ALS2CL: variants seen among roughly 807,000 people sequenced by gnomAD.
ALS2CL encodes ALS2 C-terminal-like protein.
In ALS2CL, 112 loss-of-function variants were observed where a neutral mutation model predicts 127.9. The ratio of observed to expected loss-of-function variants is 0.88; its 90% CI spans 0.75 to 1.02. ALS2CL has a LOEUF of 1.02. Among genes scored for constraint, ALS2CL ranks in the 50% least tolerant of loss-of-function variants. The pLI is 0.00. For synonymous variants in ALS2CL, 519 were observed against 527.6 expected, an observed-to-expected ratio of 0.98 and a Z score of 0.22; for missense variants, 1,174 against 1,236.7, an observed-to-expected ratio of 0.95 and a Z score of 0.76.
intron 20 of ALS2CL, 89 bp from the exon 21 acceptor site, chr3:46,674,828 A>G (rs1698683171): frequency 2.3e-6 from 3 of 1,318,658 alleles, no homozygotes; most frequent in African/African-American, 1.5e-5. Context: ...TCCTAGTTCC[A>G]CAACAAACAG....
rs1699804708 is a variant in ALS2CL at position 46,686,566 on chromosome 3, C to T, written c.535-127G>A. Reference sequence around the variant, plus strand: ...CTTGCCCTTCTCTCCCTGACAGCTCCTCTTCTGCTGGTGGGGCAGGGGGTG... The same window carrying T: ...CTTGCCCTTCTCTCCCTGACAGCTCTTCTTCTGCTGGTGGGGCAGGGGGTG... On this transcript the variant is annotated intron_variant, in intron 5 of 25. Coordinates refer to ENST00000318962, the MANE Select transcript of ALS2CL (RefSeq NM_147129.5). This position sits in a 1 kb window ranked among gnomAD's most constrained non-coding sequence, Gnocchi z 4.3. 24 of 1,313,602 alleles carry T rather than the reference C, an allele frequency of 1.8e-5. No homozygotes were observed. The South Asian group carries it at 3.4e-4, about 19-fold the overall frequency. 81.4% of individuals were successfully genotyped at this position (1,313,602 alleles called of 1,614,324 possible). A position where few individuals can be genotyped will look rare whatever the true frequency, so the allele number is the denominator to read the frequency against.
chr3:46,673,288 C>T (rs1430469222), intron 22 of ALS2CL, 51 bp downstream of exon 22: 2 of 1,527,280 alleles, frequency 1.3e-6, no homozygotes, highest in Admixed American at 2.0e-5. Context: ...CTCCTCAAAG[C>T]CTGCAGGACC....
chr3:46,677,127 A>C, intron 16 of ALS2CL, 105 bp from the exon 17 acceptor site: 3 of 1,490,590 alleles, frequency 2.0e-6, no homozygotes, highest in Non-Finnish European at 2.7e-6. Context: ...AGCCTGGCCC[A>C]GGATCAAGCC....
chr3:46,687,120 G>T lies in ALS2CL; in HGVS notation c.397C>A (p.Leu133Met). 6.5e-7 allele frequency: 1 copy of T among 1,546,052 alleles called. No individual in the cohort carries two copies. ...SEYWRGQRKA[L>M]RQLLSGVSSE... ...CTCACACCTGAAAGCAGCTGCCGCA[G>T]CGCCTTCCGCTGGCCCCGCCAGTAC... The change falls in exon 5 of 26, where the codon CTG becomes ATG. Residue 133 changes from leucine to methionine, a missense_variant. Leu to Met is a conservative substitution (Grantham distance 15). Coordinates refer to ENST00000318962, the MANE Select transcript of ALS2CL (RefSeq NM_147129.5).
rs766240014 is a variant in ALS2CL, at chr3:46,680,535, C to G, written c.1443G>C (p.Glu481Asp). 4 of 1,612,004 alleles carry G rather than the reference C, an allele frequency of 2.5e-6. No homozygotes were observed. The Admixed American group carries it at 6.7e-5, about 27-fold the overall frequency. ...CAGCCTGCCACATGCCAATGTAGCG[C>G]TCACCTCTGGAAGGAGAGGAATGTG... ...YGIEEDGDRG[E>D]RYIGMWQAGQ... The change falls in exon 14 of 26, where the codon GAG becomes GAC. Residue 481 changes from glutamate (E) to aspartate (D), a missense_variant. Transcript: ENST00000318962.
At chr3:46,684,529 G>GA (rs1300192062) in intron 7 of ALS2CL, among the ~76,000 whole-genome samples, 1 of 152,274 alleles carries the variant, frequency 6.6e-6, no homozygotes, top group East Asian at 1.9e-4. Context: ...CTGACAGCCA[G>GA]AAAAAAAGCC....
chr3:46,687,156 T>C lies in ALS2CL; in HGVS notation c.369-8A>G. On this transcript the variant is annotated splice_region_variant and splice_polypyrimidine_tract_variant and intron_variant, in intron 4 of 25. Coordinates refer to ENST00000318962, the MANE Select transcript of ALS2CL (RefSeq NM_147129.5). ...TGGCCCCGCCAGTACTCGCTGCGTG[T>C]AGAGAGGGCCACGCACCACCTTCAC... 3.9e-6 allele frequency: 6 copies of C among 1,554,796 alleles called. No individual in the cohort carries two copies. Among genetic ancestry groups the C allele is most frequent in the Non-Finnish European group, 5.2e-6 (6 of 1,156,760 alleles).
In ALS2CL at chr3:46,679,278, T is replaced by C; in HGVS notation, c.1558A>G (p.Ile520Val). 1.9e-6 allele frequency: 3 copies of C among 1,587,588 alleles called. No individual in the cohort carries two copies. The highest frequency in any genetic ancestry group is 2.6e-6 in the Non-Finnish European group (3 of 1,166,530). Residue 520 changes from isoleucine to valine, a missense_variant, in exon 15 of 26, where the codon ATC becomes GTC. Coordinates refer to ENST00000318962, the MANE Select transcript of ALS2CL (RefSeq NM_147129.5). ...FQADKTVGPG[I>V]LLSEDDSLYE... ...AGGGAGTCGTCTTCAGAGAGGAGGA[T>C]GCCCGGGCCCTTGGGGAGAGGAAGC...
chr3:46,687,633 T>C lies in ALS2CL; in HGVS notation c.354A>G (p.Ala118=), dbSNP rs536939991. ...SCMVVQAFQK[A]AKRRSEYWRG... is the part of the protein sequence containing the mutation. ...CCTGTGCTCACCTTCTCCTCTTTGC[T>C]GCCTTCTGGAAGGCCTGCACCACCA... is the stretch of plus-strand genomic sequence containing the variant. The change falls in exon 4 of 26, where the codon GCA becomes GCG. Residue 118 remains alanine, a synonymous_variant. Coordinates refer to ENST00000318962, the MANE Select transcript of ALS2CL (RefSeq NM_147129.5). 1.8e-5 allele frequency: 29 copies of C among 1,613,320 alleles called. 1 individual carries two copies. In the South Asian group the frequency reaches 2.9e-4, roughly 16 times the overall value.
In ALS2CL at chr3:46,674,745, G is replaced by GGGGA; in HGVS notation, c.2256-10_2256-7dup. The GGGGA allele has an allele frequency of 1.2e-6, 2 of 1,602,484 alleles. No homozygotes were observed. The highest frequency in any genetic ancestry group is 1.7e-5 in the Admixed American group (1 of 58,236). On this transcript the variant is annotated splice_polypyrimidine_tract_variant and splice_region_variant and intron_variant, in intron 20 of 25. Coordinates refer to ENST00000318962, the MANE Select transcript of ALS2CL (RefSeq NM_147129.5). ...ATCCATGCACCTGGAGGTCCCTGATGGGGAGACCGGAACAGGTTGGGATGA... is the reference window on the plus strand; with the variant it reads ...ATCCATGCACCTGGAGGTCCCTGATGGGGAGGGAGACCGGAACAGGTTGGGATGA...
Position 46,682,017 on chromosome 3 carries a change from A to G in ALS2CL, c.1175+12T>C. On this transcript the variant is annotated intron_variant, in intron 11 of 25. Transcript: ENST00000318962. Reference sequence around the variant, plus strand: ...CTGCACGCCTCCCAGCAGTAGCCCCAGCCAGCCTTACCCATGCTCCAGGCC... The same window carrying G: ...CTGCACGCCTCCCAGCAGTAGCCCCGGCCAGCCTTACCCATGCTCCAGGCC... 2 of 1,613,726 alleles carry G rather than the reference A, an allele frequency of 1.2e-6. No individual in the cohort carries two copies. Among genetic ancestry groups the G allele is most frequent in the Non-Finnish European group, 1.7e-6 (2 of 1,179,858 alleles).
intron 20 of ALS2CL, 64 bp from the exon 21 acceptor site, chr3:46,674,803 C>A (rs1045778408): frequency 6.9e-7 from 1 of 1,446,484 alleles, no homozygotes; most frequent in East Asian, 2.4e-5. Flanking sequence ...TACTTGGAGT[C>A]TCGTCTCAAA....
rs2106718857 is a variant in ALS2CL at position 46,681,068 on chromosome 3, G to A, written c.1436+178C>T. The A allele has an allele frequency of 2.0e-6, 2 of 1,024,134 alleles. No individual in the cohort carries two copies. Among genetic ancestry groups the A allele is most frequent in the Non-Finnish European group, 3.0e-6 (2 of 666,556 alleles). 63.4% of individuals were successfully genotyped at this position (1,024,134 alleles called of 1,614,324 possible). On this transcript the variant is annotated intron_variant, in intron 13 of 25. Transcript: ENST00000318962. This position sits in a 1 kb window ranked among gnomAD's most constrained non-coding sequence, Gnocchi z 4.9. Reference sequence around the variant, plus strand: ...AGGGGCGGGGGCGACCCTGCAGTCAGCGTGACCAAGATTCGCTCAGCCTGA... The same window carrying A: ...AGGGGCGGGGGCGACCCTGCAGTCAACGTGACCAAGATTCGCTCAGCCTGA...
rs1162019418 is a variant in ALS2CL at position 46,683,837 on chromosome 3, T to C, written c.857A>G (p.His286Arg). The C allele has an allele frequency of 1.9e-6, 3 of 1,613,772 alleles. No homozygotes were observed. Among genetic ancestry groups the C allele is most frequent in the Non-Finnish European group, 2.5e-6 (3 of 1,179,962 alleles). ...GAACTCTTCTTCGGGCGTGAGGAGG[T>C]GAAACGTGCACCTAGACAGACGGAG... Reference protein sequence around the residue: ...VDPGQDGCTFHLLTPEEEFSF... With the variant: ...VDPGQDGCTFRLLTPEEEFSF... Residue 286 changes from histidine (H) to arginine (R), a missense_variant, in exon 9 of 26, where the codon CAC becomes CGC. By Grantham distance (29) the His-to-Arg change is conservative. Transcript: ENST00000318962.
In ALS2CL at chr3:46,686,253, C is replaced by T; in HGVS notation, c.666+55G>A. ...GCAAGCAGCTCAAGCCCCCCAACATCTCCATGCCCAATGTGGAACCCCCTC... is the reference window on the plus strand; with the variant it reads ...GCAAGCAGCTCAAGCCCCCCAACATTTCCATGCCCAATGTGGAACCCCCTC... On this transcript the variant is annotated intron_variant, in intron 6 of 25. Coordinates refer to ENST00000318962, the MANE Select transcript of ALS2CL (RefSeq NM_147129.5). This position sits in a 1 kb window ranked among gnomAD's most constrained non-coding sequence, Gnocchi z 4.3. 6.5e-7 allele frequency: 1 copy of T among 1,549,316 alleles called. No homozygotes were observed. Among genetic ancestry groups the T allele is most frequent in the Non-Finnish European group, 8.7e-7 (1 of 1,148,320 alleles).
At chr3:46,677,402 T>C (rs952207549) in intron 16 of ALS2CL, 4 of 1,058,326 alleles carry the variant, frequency 3.8e-6, no homozygotes, top group Non-Finnish European at 4.6e-6. Flanking sequence ...TACAGCTGGT[T>C]CCTTCCTGTG....
At position 46,687,042 on chromosome 3, in the gene ALS2CL, C is replaced by A. The variant is rs763639281; in HGVS notation, c.475G>T (p.Ala159Ser). The change falls in exon 5 of 26, where the codon GCC becomes TCC. Residue 159 changes from alanine (A) to serine (S), a missense_variant. Transcript: ENST00000318962. ...AGCACGTACTGTTGCACGTGATGGGCGAGTGGCTGGTGGAGGGCCTGGCCC... is the reference window on the plus strand; with the variant it reads ...AGCACGTACTGTTGCACGTGATGGGAGAGTGGCTGGTGGAGGGCCTGGCCC... ...SLGQALHQPL[A>S]HHVQQYVLLL... is the part of the protein sequence containing the mutation. 6.2e-7 allele frequency: 1 copy of A among 1,605,028 alleles called. No homozygotes were observed. The highest frequency in any genetic ancestry group is 8.5e-7 in the Non-Finnish European group (1 of 1,179,226).
In ALS2CL at chr3:46,688,178, C is replaced by G. The variant is rs745441766; in HGVS notation, c.222G>C (p.Arg74Ser). ...TEESLHSLQE[R>S]LRYPDSTGLE... ...GACCGGTGGAGTCCGGGTAACGCAGCCTCTCCTGCAGTGAGTGCAGGCTTT... is the reference window on the plus strand; with the variant it reads ...GACCGGTGGAGTCCGGGTAACGCAGGCTCTCCTGCAGTGAGTGCAGGCTTT... Residue 74 changes from arginine (R) to serine (S), a missense_variant, in exon 3 of 26, where the codon AGG becomes AGC. Arg to Ser is a moderately radical substitution (Grantham distance 110). Transcript: ENST00000318962. The G allele has an allele frequency of 2.5e-6, 4 of 1,613,086 alleles. No individual in the cohort carries two copies. Among genetic ancestry groups the G allele is most frequent in the Non-Finnish European group, 2.5e-6 (3 of 1,179,992 alleles).
intron 14 of ALS2CL, 43 bp downstream of exon 14, chr3:46,680,387 T>C (rs755198571): frequency 1.3e-6 from 2 of 1,560,304 alleles, no homozygotes; most frequent in East Asian, 4.5e-5. Flanking sequence ...CCAGCGGGAG[T>C]GGGGTGCAAA....
Sources: gnomAD v4.1 joint callset for allele counts (sites outside exome capture counted in the v4.1 genomes callset) on GRCh38, gnomAD v4.1.1 for gene constraint, Gnocchi (gnomAD v3.1) non-coding constraint, MANE v1.5 for transcripts, NCBI Gene and HGNC (gene_info 2026-07-23, HGNC 2026-07-21) for gene names.